Variants in SCMH1 observed in about 807,000 individuals in gnomAD.
SCMH1 encodes the protein polycomb protein SCMH1.
SCMH1 carries 37 observed loss-of-function variants against 70.8 expected under a neutral mutation model. The ratio of observed to expected loss-of-function variants is 0.52; its 90% CI spans 0.40 to 0.69. The LOEUF (loss-of-function observed/expected upper bound fraction) is 0.69. Among genes scored for constraint, SCMH1 ranks in the 30% least tolerant of loss-of-function variants. SCMH1 has a pLI of 0.00. For synonymous variants in SCMH1, 292 were observed against 307.4 expected (o/e 0.95, Z 0.52); for missense variants, 607 against 827.3 (o/e 0.73, Z 3.27).
intron 8 of SCMH1, among the ~76,000 whole-genome samples, chr1:41,079,752 G>A (rs1360293437): frequency 6.6e-6 from 1 of 152,074 alleles, no homozygotes. Context: ...TACTCAAGAG[G>A]ATCGCTTGAG....
At chr1:41,192,957 G>A (rs1407174305) in intron 1 of SCMH1, among the ~76,000 whole-genome samples, 3 of 152,188 alleles carry the variant, frequency 2.0e-5, no homozygotes, top group African/African-American at 7.2e-5. Flanking sequence ...GGTCTCTGTT[G>A]CAACTGCTCA....
chr1:41,029,033 G>A (rs899331686), intron 13 of SCMH1, among the ~76,000 whole-genome samples: 2 of 152,264 alleles, frequency 1.3e-5, no homozygotes, highest in Admixed American at 1.3e-4. Context: ...GGTGTCTGGG[G>A]GGCCTGGTGA....
At chr1:41,199,960 A>T (rs565085219) in intron 1 of SCMH1, among the ~76,000 whole-genome samples, 2 of 152,344 alleles carry the variant, frequency 1.3e-5, no homozygotes, top group South Asian at 4.1e-4. Context: ...TTAAAACAAG[A>T]AGAAGACCAT....
chr1:41,065,822 A>G (rs978486671), intron 10 of SCMH1, among the ~76,000 whole-genome samples: 7 of 152,234 alleles, frequency 4.6e-5, no homozygotes, highest in African/African-American at 1.7e-4. Context: ...CCCCAAAAGG[A>G]TAATAGACCT....
At chr1:41,151,434 T>C (rs1338893553) in intron 5 of SCMH1, among the ~76,000 whole-genome samples, 180 bp downstream of exon 5, 1 of 152,222 alleles carries the variant, frequency 6.6e-6, no homozygotes, top group Non-Finnish European at 1.5e-5. Flanking sequence ...GGAAAGAATG[T>C]CTGCTGCCAA....
chr1:41,151,308 ACT>A (rs1224300212), intron 5 of SCMH1, among the ~76,000 whole-genome samples: 1 of 152,194 alleles, frequency 6.6e-6, no homozygotes, highest in African/African-American at 2.4e-5. Flanking sequence ...ATGGACTATA[ACT>A]CTCTTTCCTG....
chr1:41,095,028 T>C (rs1664710529), intron 8 of SCMH1, among the ~76,000 whole-genome samples: 1 of 152,078 alleles, frequency 6.6e-6, no homozygotes, highest in African/African-American at 2.4e-5. Flanking sequence ...CTCTCTATTC[T>C]CCTTCTTCTG....
At chr1:41,066,321 G>A (rs1329973316) in intron 10 of SCMH1, among the ~76,000 whole-genome samples, 2 of 152,110 alleles carry the variant, frequency 1.3e-5, no homozygotes, top group African/African-American at 4.8e-5. Context: ...GATTCCATAC[G>A]TGGGGATGTG....
chr1:41,140,961 G>C (rs1427321146), intron 6 of SCMH1, among the ~76,000 whole-genome samples: 1 of 152,168 alleles, frequency 6.6e-6, no homozygotes, highest in Non-Finnish European at 1.5e-5. Context: ...ATGAAGTTTT[G>C]AGCTTATGAT....
chr1:41,047,815 CT>C (rs1647043110), intron 11 of SCMH1, among the ~76,000 whole-genome samples: 1 of 152,234 alleles, frequency 6.6e-6, no homozygotes, highest in Non-Finnish European at 1.5e-5. Flanking sequence ...TATTACAGCA[CT>C]TCTCACAGTT....
At chr1:41,079,879 T>C (rs76028712) in intron 8 of SCMH1, among the ~76,000 whole-genome samples, 1 of 152,160 alleles carries the variant, frequency 6.6e-6, no homozygotes, top group Non-Finnish European at 1.5e-5. Flanking sequence ...CTGTACTTTA[T>C]TTTGGATATT....
Position 41,114,213 on chromosome 1 carries a change from ATCT to A in SCMH1, c.502-690_502-688del, listed in dbSNP as rs1215257118. On this transcript the variant is annotated intron_variant, in intron 7 of 14. Coordinates refer to ENST00000337495, the Ensembl canonical transcript of SCMH1. ...CCTGGGTTATAGGGTAGATATATAC[ATCT>A]TCTGCTTTATCAAATATTTTTAACT... Among the ~76,000 whole-genome samples, 5 of 152,304 alleles carry A rather than the reference ATCT, an allele frequency of 3.3e-5. No homozygotes were observed. The East Asian group carries it at 9.6e-4, about 29-fold the overall frequency.
At chr1:41,046,587 G>A (rs771342659) in exon 12 of SCMH1, 21 of 1,613,880 alleles carry the variant, frequency 1.3e-5, no homozygotes, top group Non-Finnish European at 1.6e-5. Context: ...TGCTGTTCCC[G>A]GTCAAACACG....
Position 41,113,189 on chromosome 1 carries a change from G to A in SCMH1, c.745+94C>T. 1 of 1,468,884 alleles carries A rather than the reference G, an allele frequency of 6.8e-7. No homozygotes were observed. The highest frequency in any genetic ancestry group is 9.2e-7 in the Non-Finnish European group (1 of 1,090,454). The allele number at this position is 1,468,884 out of a possible 1,614,324, so 91.0% of individuals were successfully genotyped here. A position where few individuals can be genotyped will look rare whatever the true frequency, so the allele number is the denominator to read the frequency against. On this transcript the variant is annotated intron_variant, in intron 8 of 14. Coordinates refer to ENST00000337495, the Ensembl canonical transcript of SCMH1. This position sits in a 1 kb window ranked among gnomAD's most constrained non-coding sequence, Gnocchi z 4.3. ...CCTTGCTCCTCCCCTGCATACTAGT[G>A]AAGTATACTGGTGAAGATATGATCA...
intron 8 of SCMH1, among the ~76,000 whole-genome samples, chr1:41,091,038 CAAAA>C (rs71062575): frequency 0.86 from 102,518 of 119,868 alleles, 43,565 homozygotes; most frequent in Middle Eastern, 0.9. Flanking sequence ...GACTCCGTGT[CAAAA>C]AAAAAAAAAA....
intron 13 of SCMH1, among the ~76,000 whole-genome samples, chr1:41,035,936 C>A (rs1306366589): frequency 6.6e-6 from 1 of 152,126 alleles, no homozygotes; most frequent in Non-Finnish European, 1.5e-5. Context: ...TTTGCCAGAA[C>A]TTTGTTATGC....
chr1:41,120,403 GA>G (rs1203950209), intron 6 of SCMH1, among the ~76,000 whole-genome samples: 1 of 152,246 alleles, frequency 6.6e-6, no homozygotes, highest in East Asian at 1.9e-4. Flanking sequence ...CTCTACAGAT[GA>G]TAAAAAATGA....
At chr1:41,155,335 A>C (rs983104954) in intron 4 of SCMH1, among the ~76,000 whole-genome samples, 1 of 152,342 alleles carries the variant, frequency 6.6e-6, no homozygotes, top group Non-Finnish European at 1.5e-5. Flanking sequence ...TTTACTAAAT[A>C]CCTAGTATAT....
chr1:41,114,549 T>C (rs1489329054), intron 7 of SCMH1, among the ~76,000 whole-genome samples: 2 of 152,180 alleles, frequency 1.3e-5, no homozygotes, highest in Admixed American at 6.5e-5. Flanking sequence ...GGATTTTGAC[T>C]GGAATTACAA....
Sources: gnomAD v4.1 joint callset for allele counts (sites outside exome capture counted in the v4.1 genomes callset) on GRCh38, gnomAD v4.1.1 for gene constraint, Gnocchi (gnomAD v3.1) non-coding constraint, MANE v1.5 for transcripts, NCBI Gene and HGNC (gene_info 2026-07-23, HGNC 2026-07-21) for gene names.